The following SLCO1B3 variants were observed in gnomAD, a reference collection of about 807,000 sequenced individuals.
SLCO1B3 encodes the protein liver-specific organic anion transporter 2.
A neutral mutation model predicts 71.8 loss-of-function variants in SLCO1B3; 72 were observed. That is an observed-to-expected ratio of 1.00 (90% confidence interval 0.83 to 1.22). SLCO1B3 has a LOEUF of 1.22. Among genes scored for constraint, SLCO1B3 ranks in the 50% most tolerant of loss-of-function variants. The probability of loss-of-function intolerance (pLI) is 0.00; values close to 1 mark genes in which losing one functional copy is unlikely to be tolerated. For synonymous variants in SLCO1B3, 298 were observed against 278.4 expected, an observed-to-expected ratio of 1.07 and a Z score of -0.70; for missense variants, 911 against 819.7, an observed-to-expected ratio of 1.11 and a Z score of -1.36.
intron 3 of SLCO1B3, among the ~76,000 whole-genome samples, chr12:20,846,648 A>T (rs530871190): frequency 6.6e-6 from 1 of 152,208 alleles, no homozygotes; most frequent in Non-Finnish European, 1.5e-5. Flanking sequence ...ATCCATGGAT[A>T]CTTGTGAGGA....
At chr12:20,827,757 G>A (rs1177809525) in intron 3 of SLCO1B3, among the ~76,000 whole-genome samples, 1 of 151,996 alleles carries the variant, frequency 6.6e-6, no homozygotes, top group East Asian at 1.9e-4. Context: ...TTTTTGTAGA[G>A]ACAGGGTTTA....
chr12:20,862,085 T>C (rs1348105098), intron 6 of SLCO1B3, among the ~76,000 whole-genome samples: 9 of 152,156 alleles, frequency 5.9e-5, no homozygotes, highest in African/African-American at 2.2e-4. Flanking sequence ...AATATAGTGA[T>C]AATTGTATAT....
intron 3 of SLCO1B3, chr12:20,845,329 A>G (rs1252769638): frequency 1.5e-5 from 1 of 67,400 alleles, no homozygotes; most frequent in Non-Finnish European, 4.3e-5. Flanking sequence ...AAACATCATC[A>G]GTCCTTAATG....
chr12:20,818,003 T>C (rs1023259819), intron 3 of SLCO1B3, among the ~76,000 whole-genome samples: 50 of 152,182 alleles, frequency 3.3e-4, no homozygotes, highest in African/African-American at 1.1e-3. Flanking sequence ...AGGGCATGTA[T>C]GAGTAGTTGA....
intron 8 of SLCO1B3, among the ~76,000 whole-genome samples, chr12:20,865,470 C>T (rs1047022586): frequency 6.6e-6 from 1 of 151,898 alleles, no homozygotes. Flanking sequence ...TGTGTGTACG[C>T]TTTCTTAATC....
At chr12:20,830,268 A>G (rs957137026) in intron 3 of SLCO1B3, among the ~76,000 whole-genome samples, 8 of 152,164 alleles carry the variant, frequency 5.3e-5, no homozygotes, top group Non-Finnish European at 1.2e-4. Flanking sequence ...AAGGTATGAG[A>G]GATAGGTCTT....
At chr12:20,911,500 A>G (rs1866374663) in intron 15 of SLCO1B3, among the ~76,000 whole-genome samples, 1 of 152,178 alleles carries the variant, frequency 6.6e-6, no homozygotes, top group African/African-American at 2.4e-5. Flanking sequence ...TCTGTAGGAA[A>G]TTGTAATGAA....
intron 3 of SLCO1B3, among the ~76,000 whole-genome samples, chr12:20,845,802 G>T (rs1249367629): frequency 6.6e-6 from 1 of 152,114 alleles, no homozygotes; most frequent in Admixed American, 6.6e-5. Flanking sequence ...TCTGTCTAGT[G>T]CGGTCAGTGA....
intron 13 of SLCO1B3, among the ~76,000 whole-genome samples, chr12:20,894,631 C>T (rs963465276): frequency 6.6e-6 from 1 of 152,102 alleles, no homozygotes; most frequent in Non-Finnish European, 1.5e-5. Context: ...GTGAAAAATA[C>T]ATGTCAGGCT....
At chr12:20,871,738 T>C (rs1591772587) in intron 8 of SLCO1B3, among the ~76,000 whole-genome samples, 1 of 152,268 alleles carries the variant, frequency 6.6e-6, no homozygotes, top group African/African-American at 2.4e-5. Context: ...TCTTGCTCTT[T>C]CTGTGCTGAG....
intron 3 of SLCO1B3, 60 bp from the exon 4 acceptor site, chr12:20,854,968 T>G: frequency 1.4e-6 from 2 of 1,451,522 alleles, no homozygotes; most frequent in South Asian, 2.5e-5. Flanking sequence ...TCCATGTACC[T>G]ATAAACATTA....
intron 12 of SLCO1B3, among the ~76,000 whole-genome samples, chr12:20,881,842 A>G (rs920557298): frequency 1.3e-5 from 2 of 152,208 alleles, no homozygotes; most frequent in African/African-American, 4.8e-5. Flanking sequence ...TTAGCAATAT[A>G]GTCAGCTGCG....
chr12:20,881,780 A>G (rs948200474), intron 12 of SLCO1B3, among the ~76,000 whole-genome samples: 1 of 152,110 alleles, frequency 6.6e-6, no homozygotes, highest in South Asian at 2.1e-4. Flanking sequence ...AATCAATTCA[A>G]CATCTCACAA....
At chr12:20,845,780 C>T (rs1864905283) in intron 3 of SLCO1B3, among the ~76,000 whole-genome samples, 1 of 152,046 alleles carries the variant, frequency 6.6e-6, no homozygotes, top group Non-Finnish European at 1.5e-5. Context: ...TGTTGACTTT[C>T]TCTCTAGATC....
At chr12:20,910,382 G>A (rs982345813) in intron 15 of SLCO1B3, among the ~76,000 whole-genome samples, 2 of 152,146 alleles carry the variant, frequency 1.3e-5, no homozygotes, top group African/African-American at 2.4e-5. Flanking sequence ...AGGTCAGGTA[G>A]TATCAGTCCT....
At chr12:20,841,461 A>C (rs1864799721) in intron 3 of SLCO1B3, among the ~76,000 whole-genome samples, 2 of 152,006 alleles carry the variant, frequency 1.3e-5, no homozygotes, top group Non-Finnish European at 2.9e-5. Flanking sequence ...TGCCCCAAAT[A>C]TGTAGGGATT....
intron 3 of SLCO1B3, among the ~76,000 whole-genome samples, chr12:20,831,306 G>A (rs1346535709): frequency 2.9e-5 from 4 of 137,446 alleles, no homozygotes; most frequent in African/African-American, 1.1e-4. Flanking sequence ...GAAGTGAGCC[G>A]AGATCCCACC....
At chr12:20,821,284 T>A (rs911220850) in intron 3 of SLCO1B3, among the ~76,000 whole-genome samples, 3 of 152,106 alleles carry the variant, frequency 2.0e-5, no homozygotes, top group African/African-American at 7.2e-5. Context: ...GATGGAAAAA[T>A]TGAAAGTGCC....
intron 8 of SLCO1B3, among the ~76,000 whole-genome samples, chr12:20,864,066 A>G (rs1234165159): frequency 6.6e-6 from 1 of 152,090 alleles, no homozygotes. Context: ...CCTTAATTCA[A>G]TGACTGACTG....
Sources: gnomAD v4.1 joint callset for allele counts (sites outside exome capture counted in the v4.1 genomes callset) on GRCh38, gnomAD v4.1.1 for gene constraint, MANE v1.5 for transcripts, NCBI Gene and HGNC (gene_info 2026-07-23, HGNC 2026-07-21) for gene names.